The following PARD3 variants were observed in gnomAD, a reference collection of about 807,000 sequenced individuals.
PARD3 encodes the protein partitioning defective 3 homolog.
A neutral mutation model predicts 155.4 loss-of-function variants in PARD3; 75 were observed. The observed-to-expected ratio is 0.48, with a 90% CI of 0.40 to 0.58. PARD3 has a LOEUF of 0.58. PARD3 is among the 20% of genes least tolerant of loss of function. PARD3 has a pLI of 0.00. For synonymous variants in PARD3, 576 were observed against 610.5 expected, an observed-to-expected ratio of 0.94 and a Z score of 0.83; for missense variants, 1,642 against 1,721.7, an observed-to-expected ratio of 0.95 and a Z score of 0.82.
At chr10:34,664,266 G>GATCTCGGCTCACTGCAACC (rs1180564441) in intron 2 of PARD3, among the ~76,000 whole-genome samples, 2 of 151,828 alleles carry the variant, frequency 1.3e-5, no homozygotes, top group African/African-American at 4.8e-5. Flanking sequence ...GCAGTAGCGT[G>GATCTCGGCTCACTGCAACC]ATCTCGGCTC....
intron 1 of PARD3, among the ~76,000 whole-genome samples, chr10:34,788,075 C>T (rs12769125): frequency 0.34 from 52,075 of 151,420 alleles, 11,151 homozygotes; most frequent in Non-Finnish European, 0.48. Context: ...TAAGTAACGT[C>T]GCCCCAGCCC....
chr10:34,605,350 C>T (rs754273495), intron 2 of PARD3, among the ~76,000 whole-genome samples: 4 of 148,998 alleles, frequency 2.7e-5, no homozygotes, highest in Non-Finnish European at 5.9e-5. Flanking sequence ...CCTACCACCA[C>T]GCCTGGCTAA....
At position 34,606,186 on chromosome 10, in the gene PARD3, G is replaced by C. The variant is rs1014435129; in HGVS notation, c.223-89027C>G. 1.0e-3 allele frequency among the ~76,000 whole-genome samples: 100 copies of C among 96,098 alleles called. No homozygotes were observed. In the East Asian group the frequency reaches 0.028, roughly 27 times the overall value. The allele number at this position is 96,098 out of a possible 152,430, so 63.0% of individuals were successfully genotyped here. A position where few individuals can be genotyped will look rare whatever the true frequency, so the allele number is the denominator to read the frequency against. ...TGTGTGTGTGTGTGTGTGTGTGTGT[G>C]TGTGTGTGTGTGTGTGTGTGTGTGT... On this transcript the variant is annotated intron_variant, in intron 2 of 24. Coordinates refer to ENST00000374788, the MANE Select transcript of PARD3 (RefSeq NM_001184785.2).
Position 34,119,677 on chromosome 10 carries a change from G to A in PARD3, c.3604C>T (p.Arg1202Trp), listed in dbSNP as rs768549956. ...HSVSVEVQMQRQRQEERESSQ... is the reference protein window; with the variant it reads ...HSVSVEVQMQWQRQEERESSQ... ...CTCTCGCGCTCCTCCTGCCGCTGCC[G>A]CTGCATCTGCACCTCCACGGACACC... Residue 1202 changes from arginine to tryptophan, a missense_variant, in exon 24 of 25, where the codon CGG becomes TGG. Physicochemically the swap from Arg to Trp is moderately radical, Grantham distance 101 (BLOSUM62 -3). Around this residue, in one of 3 missense-constraint regions of PARD3, gnomAD observed 1,529 missense variants for 1,587.3 expected, o/e 0.96. Coordinates refer to ENST00000374788, the MANE Select transcript of PARD3 (RefSeq NM_001184785.2). 5 of 1,612,376 alleles carry A rather than the reference G, an allele frequency of 3.1e-6. No homozygotes were observed. The highest frequency in any genetic ancestry group is 2.2e-5 in the East Asian group (1 of 44,858).
chr10:34,775,854 C>A (rs972688679), intron 1 of PARD3, among the ~76,000 whole-genome samples: 4 of 152,144 alleles, frequency 2.6e-5, no homozygotes, highest in African/African-American at 9.7e-5. Context: ...TCTTGACCCA[C>A]CTCTGAAAAA....
At chr10:34,140,069 C>A (rs1404012101) in intron 22 of PARD3, among the ~76,000 whole-genome samples, 1 of 152,124 alleles carries the variant, frequency 6.6e-6, no homozygotes, top group Non-Finnish European at 1.5e-5. Context: ...ACCCATTACA[C>A]CCCGTGTGTT....
chr10:34,746,487 T>C (rs59206235), intron 1 of PARD3, among the ~76,000 whole-genome samples: 4,686 of 152,160 alleles, frequency 0.031, 235 homozygotes, highest in African/African-American at 0.11. Context: ...TTTAAAATAG[T>C]AACACATTTA....
chr10:34,579,317 C>A (rs953715639), intron 2 of PARD3, among the ~76,000 whole-genome samples: 1 of 151,824 alleles, frequency 6.6e-6, no homozygotes, highest in Non-Finnish European at 1.5e-5. Flanking sequence ...GTAGCAGCAT[C>A]CTTTTCAATA....
rs192378731 is a variant in PARD3 at position 34,755,063 on chromosome 10, G to A, written c.121-58644C>T. ...AAACAGGCAGAGTGAGCCAAAAATC[G>A]ACATTTTCAATGAGGCAAAGGATGA... On this transcript the variant is annotated intron_variant, in intron 1 of 24. Transcript: ENST00000374788. Among the ~76,000 whole-genome samples the A allele has an allele frequency of 9.9e-4, 151 of 152,170 alleles. 1 individual carries two copies. Among genetic ancestry groups the A allele is most frequent in the African/African-American group, 3.2e-3 (134 of 41,504 alleles).
chr10:34,750,017 CT>C (rs1052000819), intron 1 of PARD3, among the ~76,000 whole-genome samples: 2 of 148,046 alleles, frequency 1.4e-5, no homozygotes, highest in African/African-American at 5.1e-5. Flanking sequence ...ACGAGACCCC[CT>C]CTCAAAAAAA....
At chr10:34,472,689 G>A (rs1355109001) in intron 3 of PARD3, among the ~76,000 whole-genome samples, 2 of 152,120 alleles carry the variant, frequency 1.3e-5, no homozygotes, top group African/African-American at 2.4e-5. Context: ...ACTCAGAAGA[G>A]GAGGCCTTTA....
At chr10:34,771,405 G>T (rs1412694943) in intron 1 of PARD3, among the ~76,000 whole-genome samples, 1 of 152,194 alleles carries the variant, frequency 6.6e-6, no homozygotes, top group African/African-American at 2.4e-5. Context: ...CCCACGTGTA[G>T]CATAGTGCCT....
intron 7 of PARD3, among the ~76,000 whole-genome samples, chr10:34,387,975 G>A (rs957850286): frequency 6.6e-6 from 1 of 152,018 alleles, no homozygotes; most frequent in Non-Finnish European, 1.5e-5. Context: ...CACACGTATA[G>A]AAACTATAAT....
intron 5 of PARD3, among the ~76,000 whole-genome samples, chr10:34,430,048 T>A (rs531772682): frequency 4.5e-4 from 68 of 152,346 alleles, no homozygotes; most frequent in Non-Finnish European, 8.1e-4. Flanking sequence ...CTGTTTTATT[T>A]ACAAAAAGCA....
intron 5 of PARD3, among the ~76,000 whole-genome samples, chr10:34,431,785 C>A (rs1228539122): frequency 7.5e-6 from 1 of 134,136 alleles, no homozygotes; most frequent in Non-Finnish European, 1.5e-5. Flanking sequence ...TATGGTGGCT[C>A]ATGCCTGTAA....
At chr10:34,640,797 T>C (rs2092655205) in intron 2 of PARD3, among the ~76,000 whole-genome samples, 1 of 149,826 alleles carries the variant, frequency 6.7e-6, no homozygotes, top group African/African-American at 2.5e-5. Context: ...CACTCCCTTT[T>C]ACCCAGCAAT....
intron 1 of PARD3, among the ~76,000 whole-genome samples, chr10:34,786,286 T>C (rs1238378273): frequency 2.6e-5 from 4 of 152,218 alleles, no homozygotes; most frequent in African/African-American, 9.6e-5. Flanking sequence ...TTCCACTACA[T>C]GTTATTTATT....
At chr10:34,726,856 T>C (rs779534007) in intron 1 of PARD3, among the ~76,000 whole-genome samples, 1 of 152,144 alleles carries the variant, frequency 6.6e-6, no homozygotes, top group Non-Finnish European at 1.5e-5. Context: ...CTTTCTCCTT[T>C]CTGAGCACAG....
chr10:34,306,627 C>A (rs1185348354), intron 20 of PARD3, among the ~76,000 whole-genome samples: 2 of 152,054 alleles, frequency 1.3e-5, no homozygotes, highest in Non-Finnish European at 2.9e-5. Context: ...CCAGCCTGGG[C>A]AACAAGAGCA....
Sources: allele counts gnomAD v4.1 joint callset (sites outside exome capture counted in the v4.1 genomes callset), GRCh38; gene constraint gnomAD v4.1.1; regional missense constraint gnomAD v4.1.1; transcripts MANE v1.5; gene names NCBI Gene and HGNC (gene_info 2026-07-23, HGNC 2026-07-21).